The following KLF17 variants were observed in gnomAD, a reference collection of about 807,000 sequenced individuals.
The protein encoded by KLF17 is Krueppel-like factor 17.
In KLF17, 31 loss-of-function variants were observed where a neutral mutation model predicts 34.2. The observed-to-expected ratio is 0.91, with a 90% confidence interval of 0.68 to 1.22. KLF17 has a LOEUF of 1.22. Ranked by LOEUF, KLF17 falls within the 50% of genes most tolerant of loss-of-function variation. The probability of loss-of-function intolerance (pLI) is 0.00; values close to 1 mark genes in which losing one functional copy is unlikely to be tolerated. For missense variants in KLF17, 478 were observed against 505.2 expected, an observed-to-expected ratio of 0.95 and a Z score of 0.52; for synonymous variants, 179 against 186.7, an observed-to-expected ratio of 0.96 and a Z score of 0.34.
the KLF17 span, among the ~76,000 whole-genome samples, chr1:44,078,733 G>A: frequency 2.6e-4 from 40 of 152,134 alleles, 1 homozygote; most frequent in Non-Finnish European, 1.5e-5. Context: ...GCTGTGCCCG[G>A]CCGCTTTTCC....
chr1:44,123,166 T>C (rs76488537), intron 1 of KLF17, among the ~76,000 whole-genome samples: 2,919 of 152,188 alleles, frequency 0.019, 84 homozygotes, highest in East Asian at 0.075. Flanking sequence ...GATCGCACCA[T>C]TCACATCTCA....
At chr1:44,070,590 CTTTTTTTTTT>C in the KLF17 span, among the ~76,000 whole-genome samples, 34 of 78,680 alleles carry the variant, frequency 4.3e-4, no homozygotes, top group African/African-American at 1.5e-3. Flanking sequence ...TTTCCCTTGT[CTTTTTTTTTT>C]TTTTTTTTTT....
At chr1:44,084,878 A>G in the KLF17 span, among the ~76,000 whole-genome samples, 1 of 150,738 alleles carries the variant, frequency 6.6e-6, no homozygotes, top group African/African-American at 2.4e-5. Flanking sequence ...GTTCAAGACC[A>G]TCCTGGGCAA....
intron 1 of KLF17, among the ~76,000 whole-genome samples, chr1:44,123,882 G>A (rs1479660402): frequency 1.3e-5 from 2 of 151,170 alleles, no homozygotes; most frequent in Non-Finnish European, 2.9e-5. Context: ...AGTTTATCTG[G>A]TTGTGGGTCA....
chr1:44,108,494 G>A, the KLF17 span, among the ~76,000 whole-genome samples: 2 of 151,940 alleles, frequency 1.3e-5, no homozygotes, highest in African/African-American at 2.4e-5. Context: ...GGCAGCCCAC[G>A]CATTCAAGTT....
chr1:44,047,637 G>C, the KLF17 span, among the ~76,000 whole-genome samples: 1 of 152,174 alleles, frequency 6.6e-6, no homozygotes, highest in Non-Finnish European at 1.5e-5. Context: ...AGAATGCTTA[G>C]ATCGTGAGAG....
At chr1:44,076,912 T>TTTC in the KLF17 span, 1 of 150,368 alleles carries the variant, frequency 6.7e-6, no homozygotes, top group African/African-American at 2.4e-5. Context: ...TTTTTTTTTT[T>TTTC]TTCCCATAGA....
chr1:44,061,130 A>G, the KLF17 span: 2 of 152,220 alleles, frequency 1.3e-5, no homozygotes, highest in Non-Finnish European at 2.9e-5. Flanking sequence ...ATATTACAAC[A>G]GTTCCAGGTA....
chr1:44,126,575 G>GCTTT (rs34210409), intron 1 of KLF17, among the ~76,000 whole-genome samples: 29,521 of 152,072 alleles, frequency 0.19, 3,006 homozygotes, highest in Non-Finnish European at 0.22. Flanking sequence ...GGTTCCTGGT[G>GCTTT]CTTCCTACCC....
At chr1:44,126,969 C>T (rs529288266) in intron 1 of KLF17, among the ~76,000 whole-genome samples, 26 of 151,982 alleles carry the variant, frequency 1.7e-4, no homozygotes, top group African/African-American at 5.5e-4. Flanking sequence ...GATCACAGCT[C>T]GCTGCAGCTT....
At chr1:44,084,595 A>G in the KLF17 span, among the ~76,000 whole-genome samples, 2 of 151,292 alleles carry the variant, frequency 1.3e-5, no homozygotes, top group Non-Finnish European at 2.9e-5. Flanking sequence ...TGGGAGGATG[A>G]TTTAGGCCTA....
chr1:44,105,257 G>C, the KLF17 span, among the ~76,000 whole-genome samples: 5 of 152,154 alleles, frequency 3.3e-5, no homozygotes, highest in Non-Finnish European at 7.3e-5. Context: ...GGGAAGTCTC[G>C]TATGGATGAA....
chr1:44,058,667 C>CTTTTTT, the KLF17 span, among the ~76,000 whole-genome samples: 7 of 65,222 alleles, frequency 1.1e-4, 2 homozygotes, highest in East Asian at 1.4e-3. Flanking sequence ...ATGGGAGGCC[C>CTTTTTT]TTTTTTTTTT....
chr1:44,080,236 CTT>C, the KLF17 span, among the ~76,000 whole-genome samples: 4 of 94,128 alleles, frequency 4.2e-5, no homozygotes, highest in Non-Finnish European at 4.0e-5. Context: ...CCCTCTGTGT[CTT>C]TTTTTTTTTT....
chr1:44,130,827 C>CAAA, intron 3 of KLF17, 71 bp downstream of exon 3: 1 of 1,459,202 alleles, frequency 6.9e-7, no homozygotes, highest in Non-Finnish European at 9.4e-7. Flanking sequence ...GACGGAGTCT[C>CAAA]ACTCTGTCTC....
At chr1:44,105,965 A>G in the KLF17 span, among the ~76,000 whole-genome samples, 3 of 151,994 alleles carry the variant, frequency 2.0e-5, no homozygotes, top group Non-Finnish European at 4.4e-5. Context: ...GGAGTTTAAG[A>G]CCAGCCTGGG....
chr1:44,121,015 A>G (rs574538503), intron 1 of KLF17, among the ~76,000 whole-genome samples: 2 of 152,340 alleles, frequency 1.3e-5, no homozygotes, highest in South Asian at 2.1e-4. Context: ...TAAATAAAAA[A>G]TAAAACAAGA....
At chr1:44,090,787 G>A in the KLF17 span, among the ~76,000 whole-genome samples, 1 of 151,998 alleles carries the variant, frequency 6.6e-6, no homozygotes, top group Non-Finnish European at 1.5e-5. Context: ...GTGGTGAAGG[G>A]GAAAAGAATC....
rs2088097075 is a variant in KLF17 at position 44,130,637 on chromosome 1, G to A, written c.1051G>A (p.Glu351Lys). The A allele has an allele frequency of 6.2e-7, 1 of 1,614,064 alleles. No homozygotes were observed. The highest frequency in any genetic ancestry group is 1.1e-5 in the South Asian group (1 of 91,074). ...ATATAAATGTGATCAGTGCAGCCGG[G>A]AGTTCATGAGGTCTGACCATCTCAA... ...RPYKCDQCSR[E>K]FMRSDHLKQH... Residue 351 changes from glutamate to lysine, a missense_variant, in exon 3 of 4, where the codon GAG becomes AAG. Physicochemically the swap from Glu to Lys is moderately conservative, Grantham distance 56. Transcript: ENST00000372299.
Sources: gnomAD v4.1 joint callset for allele counts (sites outside exome capture counted in the v4.1 genomes callset) on GRCh38, gnomAD v4.1.1 for gene constraint, MANE v1.5 for transcripts, NCBI Gene and HGNC (gene_info 2026-07-23, HGNC 2026-07-21) for gene names.